EYS: variants seen among roughly 807,000 people sequenced by gnomAD.
EYS encodes EGF-like photoreceptor maintenance factor.
Under a neutral mutation model 282.1 loss-of-function variants are expected in EYS, and 250 were observed. That is an observed-to-expected ratio of 0.89 (90% CI 0.80 to 0.98). The LOEUF (loss-of-function observed/expected upper bound fraction) is 0.98, where lower values mean the gene tolerates loss of function less well. Among genes scored for constraint, EYS ranks in the 50% least tolerant of loss-of-function variants. The pLI, the probability that EYS is intolerant of heterozygous loss-of-function variation, is 0.00. For missense variants in EYS, 4,016 were observed against 3,709.0 expected (o/e 1.08, Z -2.15); for synonymous variants, 1,355 against 1,282.9 (o/e 1.06, Z -1.20).
At chr6:65,055,591 A>G (rs1315865346) in intron 13 of EYS, among the ~76,000 whole-genome samples, 1 of 152,000 alleles carries the variant, frequency 6.6e-6, no homozygotes, top group African/African-American at 2.4e-5. Context: ...TTTAGAAGTA[A>G]TATTTCCTTA....
In EYS at chr6:65,443,088, CATGCAT is replaced by C. The variant is rs892970668; in HGVS notation, c.863-37727_863-37722del. 2.3e-4 allele frequency among the ~76,000 whole-genome samples: 35 copies of C among 151,692 alleles called. 2 individuals carry two copies. Among genetic ancestry groups the C allele is most frequent in the African/African-American group, 7.7e-4 (32 of 41,412 alleles). On this transcript the variant is annotated intron_variant, in intron 5 of 42. Coordinates refer to ENST00000503581, the MANE Select transcript of EYS (RefSeq NM_001142800.2). ...TGTGATATGTATGTGTCTATACATA[CATGCAT>C]ATGCATATACATATATGTGGATCAT... is the stretch of plus-strand genomic sequence containing the variant.
chr6:65,530,834 A>G (rs1477445791), intron 2 of EYS, among the ~76,000 whole-genome samples: 1 of 152,134 alleles, frequency 6.6e-6, no homozygotes, highest in Non-Finnish European at 1.5e-5. Context: ...CGGTCTGCAT[A>G]CTTTTTGTTC....
intron 26 of EYS, among the ~76,000 whole-genome samples, chr6:64,509,895 A>G (rs1777330332): frequency 6.6e-6 from 1 of 152,298 alleles, no homozygotes; most frequent in East Asian, 1.9e-4. Context: ...AGATGGTTGT[A>G]TGTTAATTCC....
At chr6:63,907,044 G>A (rs1401643175) in intron 35 of EYS, among the ~76,000 whole-genome samples, 1 of 152,132 alleles carries the variant, frequency 6.6e-6, no homozygotes, top group African/African-American at 2.4e-5. Context: ...TGCATAGTGT[G>A]TACACAGCAG....
rs79830518 is a variant in EYS at position 64,656,763 on chromosome 6, T to C, written c.3444-30518A>G. Among the ~76,000 whole-genome samples, 325 of 152,302 alleles carry C rather than the reference T, an allele frequency of 2.1e-3. 4 individuals are homozygous for C. Among genetic ancestry groups the C allele is most frequent in the Non-Finnish European group, 3.3e-3 (225 of 68,036 alleles). On this transcript the variant is annotated intron_variant, in intron 22 of 42. Transcript: ENST00000503581. ...GGGAGGATGAGAAGGGGAAGGGGGT[T>C]AATTCACCAGAATTTCTGTTCTGCT...
At chr6:64,997,993 TGCTC>T (rs1771330943) in intron 13 of EYS, among the ~76,000 whole-genome samples, 1 of 152,180 alleles carries the variant, frequency 6.6e-6, no homozygotes, top group Non-Finnish European at 1.5e-5. Context: ...CAATTTTACT[TGCTC>T]TCTCTTGTTT....
chr6:64,223,438 A>T (rs1448005108), intron 31 of EYS, among the ~76,000 whole-genome samples: 3 of 152,000 alleles, frequency 2.0e-5, no homozygotes, highest in African/African-American at 4.8e-5. Context: ...TTATCTGTTT[A>T]TGCAATTGTT....
intron 35 of EYS, among the ~76,000 whole-genome samples, chr6:63,919,898 TG>T (rs1417598336): frequency 6.6e-6 from 1 of 152,230 alleles, no homozygotes; most frequent in African/African-American, 2.4e-5. Flanking sequence ...ATGAAACATG[TG>T]GTTAATTATC....
chr6:65,564,554 GA>G (rs1299701639), intron 2 of EYS, among the ~76,000 whole-genome samples: 1 of 152,058 alleles, frequency 6.6e-6, no homozygotes, highest in Non-Finnish European at 1.5e-5. Flanking sequence ...ATGGTGTTGG[GA>G]AAACTGGCTA....
intron 22 of EYS, among the ~76,000 whole-genome samples, chr6:64,763,313 G>A (rs529454087): frequency 4.6e-5 from 7 of 152,182 alleles, no homozygotes; most frequent in Non-Finnish European, 5.9e-5. Context: ...AGCATGACTG[G>A]GAGGACTAAG....
chr6:65,098,911 C>T (rs1401740736), intron 12 of EYS, among the ~76,000 whole-genome samples: 1 of 150,554 alleles, frequency 6.6e-6, no homozygotes, highest in Non-Finnish European at 1.5e-5. Flanking sequence ...AAAATAATAA[C>T]AATTTTTTCA....
chr6:63,979,245 C>T (rs985218726), intron 35 of EYS, among the ~76,000 whole-genome samples: 1 of 151,884 alleles, frequency 6.6e-6, no homozygotes, highest in Non-Finnish European at 1.5e-5. Flanking sequence ...GGCTGCATTC[C>T]TGCTACAATA....
chr6:64,216,687 GCTGA>G (rs1187284980), intron 31 of EYS, among the ~76,000 whole-genome samples: 1 of 152,150 alleles, frequency 6.6e-6, no homozygotes, highest in African/African-American at 2.4e-5. Context: ...AAGAGAAGAG[GCTGA>G]CTGACAAGCT....
intron 30 of EYS, among the ~76,000 whole-genome samples, chr6:64,240,941 A>G (rs1238174317): frequency 6.6e-6 from 1 of 152,136 alleles, no homozygotes; most frequent in Non-Finnish European, 1.5e-5. Flanking sequence ...TGCCTAGTTT[A>G]TTGAGAGTTT....
At chr6:64,939,288 A>G (rs757129433) in intron 15 of EYS, among the ~76,000 whole-genome samples, 23 of 151,880 alleles carry the variant, frequency 1.5e-4, no homozygotes, top group Non-Finnish European at 2.8e-4. Flanking sequence ...TATCTGAAAT[A>G]TGAAAATAAA....
chr6:63,738,500 C>T (rs1417692397), intron 41 of EYS, among the ~76,000 whole-genome samples: 13 of 149,040 alleles, frequency 8.7e-5, no homozygotes, highest in African/African-American at 3.0e-4. Flanking sequence ...AAAAACCAAA[C>T]ACCCCATATT....
chr6:64,434,264 T>C (rs924255909), intron 28 of EYS, among the ~76,000 whole-genome samples: 2 of 152,076 alleles, frequency 1.3e-5, no homozygotes, highest in Non-Finnish European at 2.9e-5. Flanking sequence ...GAGACTAAAT[T>C]GCAATTGTGA....
chr6:64,087,479 G>A (rs192769905), intron 31 of EYS, among the ~76,000 whole-genome samples: 1 of 152,014 alleles, frequency 6.6e-6, no homozygotes. Flanking sequence ...TGAGATGGAA[G>A]ACTAGATAAA....
chr6:63,962,312 G>T (rs1766104746), intron 35 of EYS, among the ~76,000 whole-genome samples: 1 of 152,320 alleles, frequency 6.6e-6, no homozygotes, highest in African/African-American at 2.4e-5. Context: ...TACCATCAGA[G>T]TGAACAGGCA....
Sources: gnomAD v4.1 joint callset for allele counts (sites outside exome capture counted in the v4.1 genomes callset) on GRCh38, gnomAD v4.1.1 for gene constraint, MANE v1.5 for transcripts, NCBI Gene and HGNC (gene_info 2026-07-23, HGNC 2026-07-21) for gene names.